MB21D2: variants seen among roughly 807,000 people sequenced by gnomAD.
MB21D2 encodes the protein Mab-21 domain containing 2.
A neutral mutation model predicts 33.3 loss-of-function variants in MB21D2; 9 were observed. The ratio of observed to expected loss-of-function variants is 0.27; its 90% CI spans 0.16 to 0.47. The LOEUF (loss-of-function observed/expected upper bound fraction) is 0.47, where lower values mean the gene tolerates loss of function less well. MB21D2 is among the 20% of genes least tolerant of loss of function. MB21D2 has a pLI of 0.99. For missense variants in MB21D2, 540 were observed against 624.6 expected, an observed-to-expected ratio of 0.86 and a Z score of 1.44; for synonymous variants, 241 against 236.3, an observed-to-expected ratio of 1.02 and a Z score of -0.18.
At chr3:192,849,864 T>C (rs1368071076) in intron 1 of MB21D2, among the ~76,000 whole-genome samples, 2 of 151,992 alleles carry the variant, frequency 1.3e-5, no homozygotes, top group Non-Finnish European at 2.9e-5. Flanking sequence ...AAGAGCCTCA[T>C]AAATGTTTGC....
At chr3:192,897,241 A>G (rs1051625934) in intron 1 of MB21D2, among the ~76,000 whole-genome samples, 1 of 152,164 alleles carries the variant, frequency 6.6e-6, no homozygotes, top group East Asian at 1.9e-4. Context: ...GCAACAAACT[A>G]TGCAACAAAC....
At chr3:192,888,216 GAACT>G (rs1193641246) in intron 1 of MB21D2, among the ~76,000 whole-genome samples, 1 of 151,934 alleles carries the variant, frequency 6.6e-6, no homozygotes, top group East Asian at 1.9e-4. Flanking sequence ...ACTTAAATCT[GAACT>G]CCTTAAATAG....
chr3:192,875,989 C>T (rs981553067), intron 1 of MB21D2, among the ~76,000 whole-genome samples: 1 of 152,136 alleles, frequency 6.6e-6, no homozygotes, highest in Middle Eastern at 3.2e-3. Flanking sequence ...CAGGATGTAC[C>T]TATGTGCCCC....
chr3:192,911,963 T>C (rs76419546), intron 1 of MB21D2, among the ~76,000 whole-genome samples: 195 of 152,262 alleles, frequency 1.3e-3, no homozygotes, highest in African/African-American at 4.6e-3. Flanking sequence ...CAACGCACCA[T>C]AAATTTCCAT....
chr3:192,862,740 T>G (rs1713078008), intron 1 of MB21D2, among the ~76,000 whole-genome samples: 1 of 152,194 alleles, frequency 6.6e-6, no homozygotes, highest in African/African-American at 2.4e-5. Flanking sequence ...CATACACAGA[T>G]GGGAGATGGC....
At chr3:192,912,697 A>T (rs1447892088) in intron 1 of MB21D2, among the ~76,000 whole-genome samples, 1 of 152,134 alleles carries the variant, frequency 6.6e-6, no homozygotes, top group Non-Finnish European at 1.5e-5. Context: ...AAAAGAAAAA[A>T]AGAAATTATC....
chr3:192,913,733 G>A (rs1037832500), intron 1 of MB21D2, among the ~76,000 whole-genome samples: 1 of 152,098 alleles, frequency 6.6e-6, no homozygotes, highest in Non-Finnish European at 1.5e-5. Flanking sequence ...TAGGGAGGCT[G>A]AGACAGGAAG....
At chr3:192,874,015 T>C (rs1713376991) in intron 1 of MB21D2, among the ~76,000 whole-genome samples, 1 of 152,214 alleles carries the variant, frequency 6.6e-6, no homozygotes, top group Admixed American at 6.5e-5. Flanking sequence ...AGCACAGTGT[T>C]TTCCTAGCAC....
intron 1 of MB21D2, among the ~76,000 whole-genome samples, chr3:192,892,990 T>C (rs574084044): frequency 1.0e-3 from 153 of 152,286 alleles, no homozygotes; most frequent in African/African-American, 3.6e-3. Context: ...TTCCTTTTGG[T>C]GTCCTACTTA....
At chr3:192,822,200 G>A (rs1712075273) in intron 1 of MB21D2, among the ~76,000 whole-genome samples, 1 of 149,634 alleles carries the variant, frequency 6.7e-6, no homozygotes, top group Non-Finnish European at 1.5e-5. Context: ...GTGGGGGTGG[G>A]AGGTTGGAAT....
At chr3:192,808,555 T>A (rs1475208885) in intron 1 of MB21D2, among the ~76,000 whole-genome samples, 1 of 152,218 alleles carries the variant, frequency 6.6e-6, no homozygotes, top group Non-Finnish European at 1.5e-5. Flanking sequence ...TTTCTAGCAA[T>A]GCTGCCTGTG....
At chr3:192,860,655 G>A (rs991385934) in intron 1 of MB21D2, among the ~76,000 whole-genome samples, 11 of 152,278 alleles carry the variant, frequency 7.2e-5, no homozygotes, top group East Asian at 3.9e-4. Context: ...GTGCCAGCCC[G>A]CCCTGGGAGC....
chr3:192,848,372 T>G (rs1712716598), intron 1 of MB21D2, among the ~76,000 whole-genome samples: 1 of 152,210 alleles, frequency 6.6e-6, no homozygotes, highest in Non-Finnish European at 1.5e-5. Flanking sequence ...ACATAAATTT[T>G]AAACTCTGGG....
intron 1 of MB21D2, among the ~76,000 whole-genome samples, chr3:192,879,772 A>G (rs1339073861): frequency 6.6e-6 from 1 of 152,236 alleles, no homozygotes; most frequent in Non-Finnish European, 1.5e-5. Context: ...AAACAATTAA[A>G]ATGGATTTTT....
chr3:192,836,410 T>C (rs1475591580), intron 1 of MB21D2, among the ~76,000 whole-genome samples: 2 of 152,208 alleles, frequency 1.3e-5, no homozygotes, highest in Non-Finnish European at 2.9e-5. Flanking sequence ...AAGCCCTAAC[T>C]CCCAGTAACC....
chr3:192,911,918 G>A (rs1714366072), intron 1 of MB21D2, among the ~76,000 whole-genome samples: 1 of 152,160 alleles, frequency 6.6e-6, no homozygotes, highest in South Asian at 2.1e-4. Context: ...ACAACTCTCG[G>A]GAACTTTCCA....
chr3:192,799,170 A>T lies in MB21D2; in HGVS notation c.692T>A (p.Met231Lys). 2 of 1,614,146 alleles carry T rather than the reference A, an allele frequency of 1.2e-6. No homozygotes were observed. Among genetic ancestry groups the T allele is most frequent in the Non-Finnish European group, 1.7e-6 (2 of 1,180,022 alleles). The change falls in exon 2 of 2, where the codon ATG becomes AAG. Residue 231 changes from methionine to lysine, a missense_variant. Coordinates refer to ENST00000392452, the MANE Select transcript of MB21D2 (RefSeq NM_178496.4). The surrounding 1 kb of genome is among the most constrained non-coding windows in gnomAD (Gnocchi z 4.1). ...TACCACAGGGACAATATCATACAAC[A>T]TGCGACTACTCCCTACACCCAGAAT... ...SIILGVGSSR[M>K]LYDIVPVVSF...
chr3:192,894,112 T>G (rs1299137444), intron 1 of MB21D2, among the ~76,000 whole-genome samples: 1 of 151,896 alleles, frequency 6.6e-6, no homozygotes, highest in East Asian at 1.9e-4. Context: ...CCCCAGCAAA[T>G]TTTTGTTGTT....
chr3:192,898,548 T>C (rs1714026620), intron 1 of MB21D2, among the ~76,000 whole-genome samples: 1 of 152,208 alleles, frequency 6.6e-6, no homozygotes, highest in Non-Finnish European at 1.5e-5. Flanking sequence ...CACAGCCATC[T>C]TAGTGCCTCA....
Sources: gnomAD v4.1 joint callset for allele counts (sites outside exome capture counted in the v4.1 genomes callset) on GRCh38, gnomAD v4.1.1 for gene constraint, Gnocchi (gnomAD v3.1) non-coding constraint, MANE v1.5 for transcripts, NCBI Gene and HGNC (gene_info 2026-07-23, HGNC 2026-07-21) for gene names.